The following RFTN1 variants were observed in gnomAD, a reference collection of about 807,000 sequenced individuals.
The protein encoded by RFTN1 is raftlin, lipid raft linker 1, also known as raftlin.
Under a neutral mutation model 46.5 loss-of-function variants are expected in RFTN1, and 26 were observed. The ratio of observed to expected loss-of-function variants is 0.56; its 90% CI spans 0.41 to 0.78. RFTN1 has a LOEUF of 0.78. RFTN1 is among the 30% of genes least tolerant of loss of function. The probability of loss-of-function intolerance (pLI) is 0.00; values close to 1 mark genes in which losing one functional copy is unlikely to be tolerated. For synonymous variants in RFTN1, 261 were observed against 284.2 expected (o/e 0.92, Z 0.82); for missense variants, 693 against 718.7 (o/e 0.96, Z 0.41).
intron 4 of RFTN1, among the ~76,000 whole-genome samples, chr3:16,406,984 C>T (rs893362429): frequency 6.6e-6 from 1 of 152,182 alleles, no homozygotes. Flanking sequence ...TAATGTCCTT[C>T]AGGGCATAAA....
intron 3 of RFTN1, among the ~76,000 whole-genome samples, chr3:16,419,284 A>C (rs879185314): frequency 5.3e-5 from 8 of 152,138 alleles, no homozygotes; most frequent in Non-Finnish European, 1.0e-4. Context: ...GTGGGAAACA[A>C]AGTTACTGAG....
intron 2 of RFTN1, among the ~76,000 whole-genome samples, chr3:16,482,016 C>T (rs1205875726): frequency 6.6e-6 from 1 of 152,134 alleles, no homozygotes; most frequent in East Asian, 1.9e-4. Flanking sequence ...CTGGGAACAA[C>T]AGAAGCCAGC....
rs1164939130 is a variant in RFTN1, at chr3:16,509,885, A to G, written c.-9+3557T>C. ...CCCAAACACAGTGCAATGTCTCAAG[A>G]CTGAGCTGTCTGCCATCTGACTCCT... On this transcript the variant is annotated intron_variant, in intron 1 of 9. Coordinates refer to ENST00000334133, the MANE Select transcript of RFTN1 (RefSeq NM_015150.2). The surrounding 1 kb of genome is among the most constrained non-coding windows in gnomAD (Gnocchi z 4.9). 6.6e-6 allele frequency among the ~76,000 whole-genome samples: 1 copy of G among 152,120 alleles called. No homozygotes were observed. The highest frequency in any genetic ancestry group is 1.9e-4 in the East Asian group (1 of 5,194).
Position 16,387,474 on chromosome 3 carries a change from G to A in RFTN1, c.442-9372C>T, listed in dbSNP as rs78296337. 5.9e-3 allele frequency among the ~76,000 whole-genome samples: 892 copies of A among 151,982 alleles called. 23 individuals are homozygous for A. The highest frequency in any genetic ancestry group is 0.041 in the Admixed American group (625 of 15,268). On this transcript the variant is annotated intron_variant, in intron 4 of 9. Coordinates refer to ENST00000334133, the MANE Select transcript of RFTN1 (RefSeq NM_015150.2). The surrounding 1 kb of genome is among the most constrained non-coding windows in gnomAD (Gnocchi z 5.2). ...TTTGTCCCCAGCATCGGTGTGACCC[G>A]GTTAAGGCAAAACCCAGGCCATAGA...
At chr3:16,472,967 C>T (rs2076222845) in intron 2 of RFTN1, among the ~76,000 whole-genome samples, 1 of 152,208 alleles carries the variant, frequency 6.6e-6, no homozygotes, top group Non-Finnish European at 1.5e-5. Flanking sequence ...TCAGTTTCCT[C>T]ATCTGCACAG....
In RFTN1 at chr3:16,421,486, G is replaced by A. The variant is rs1036459688; in HGVS notation, c.333-12003C>T. On this transcript the variant is annotated intron_variant, in intron 3 of 9. Coordinates refer to ENST00000334133, the MANE Select transcript of RFTN1 (RefSeq NM_015150.2). The surrounding 1 kb of genome is among the most constrained non-coding windows in gnomAD (Gnocchi z 4.6). ...CCTGCCTCAGCCCCCGGAGTAGCTGGGACTACAGGTGCATGCCACCATGCC... is the reference window on the plus strand; with the variant it reads ...CCTGCCTCAGCCCCCGGAGTAGCTGAGACTACAGGTGCATGCCACCATGCC... Among the ~76,000 whole-genome samples, 3 of 152,048 alleles carry A rather than the reference G, an allele frequency of 2.0e-5. No individual in the cohort carries two copies. The highest frequency in any genetic ancestry group is 2.9e-5 in the Non-Finnish European group (2 of 68,016).
Position 16,475,756 on chromosome 3 carries a change from A to G in RFTN1, c.145+17969T>C, listed in dbSNP as rs1309588265. On this transcript the variant is annotated intron_variant, in intron 2 of 9. Coordinates refer to ENST00000334133, the MANE Select transcript of RFTN1 (RefSeq NM_015150.2). This position sits in a 1 kb window ranked among gnomAD's most constrained non-coding sequence, Gnocchi z 4.2. Reference sequence around the variant, plus strand: ...CGGGTAATAAATAAACCTCTGCCACAGAAGGTGCTGGCTGAGGGCAAAAGC... The same window carrying G: ...CGGGTAATAAATAAACCTCTGCCACGGAAGGTGCTGGCTGAGGGCAAAAGC... Among the ~76,000 whole-genome samples, 2 of 152,264 alleles carry G rather than the reference A, an allele frequency of 1.3e-5. No individual in the cohort carries two copies. The highest frequency in any genetic ancestry group is 4.8e-5 in the African/African-American group (2 of 41,470).
chr3:16,354,484 A>G (rs368812163), intron 7 of RFTN1, among the ~76,000 whole-genome samples: 4 of 152,214 alleles, frequency 2.6e-5, no homozygotes, highest in East Asian at 1.9e-4. Context: ...AGGATGCCCA[A>G]GTCACCTCCT....
intron 7 of RFTN1, among the ~76,000 whole-genome samples, chr3:16,332,383 G>C (rs2070407172): frequency 6.7e-6 from 1 of 149,968 alleles, no homozygotes; most frequent in African/African-American, 2.5e-5. Context: ...CTATTTTTAA[G>C]ATTCAAAAGC....
At chr3:16,389,373 T>G (rs2074292672) in intron 4 of RFTN1, among the ~76,000 whole-genome samples, 1 of 152,228 alleles carries the variant, frequency 6.6e-6, no homozygotes, top group South Asian at 2.1e-4. Context: ...ATTGTTCTTT[T>G]GTAAATACCC....
In RFTN1 at chr3:16,449,217, C is replaced by T. The variant is rs2075783590; in HGVS notation, c.146-15180G>A. On this transcript the variant is annotated intron_variant, in intron 2 of 9. Coordinates refer to ENST00000334133, the MANE Select transcript of RFTN1 (RefSeq NM_015150.2). This position sits in a 1 kb window ranked among gnomAD's most constrained non-coding sequence, Gnocchi z 5.1. ...ATCTTAGTTCTAAATTATGCAGATC[C>T]TATTAGGCAAATAAAGAACAGAAAT... Among the ~76,000 whole-genome samples, 1 of 152,114 alleles carries T rather than the reference C, an allele frequency of 6.6e-6. No homozygotes were observed. The highest frequency in any genetic ancestry group is 2.4e-5 in the African/African-American group (1 of 41,416).
chr3:16,366,254 G>A (rs55710646), intron 6 of RFTN1, among the ~76,000 whole-genome samples: 1,524 of 150,750 alleles, frequency 0.01, 16 homozygotes, highest in African/African-American at 0.036. Context: ...CAGCCTCCTC[G>A]CTGGGTCTTC....
At chr3:16,340,746 C>A (rs2071263694) in intron 7 of RFTN1, among the ~76,000 whole-genome samples, 1 of 152,190 alleles carries the variant, frequency 6.6e-6, no homozygotes, top group African/African-American at 2.4e-5. Flanking sequence ...CCCTCACCTT[C>A]TTGTCCAAAC....
At chr3:16,420,345 A>G (rs928320875) in intron 3 of RFTN1, among the ~76,000 whole-genome samples, 1 of 152,248 alleles carries the variant, frequency 6.6e-6, no homozygotes, top group African/African-American at 2.4e-5. Flanking sequence ...GTAGCGATGC[A>G]TAATTAATAA....
chr3:16,382,805 T>A lies in RFTN1; in HGVS notation c.442-4703A>T, dbSNP rs2074037974. Among the ~76,000 whole-genome samples, 2 of 152,200 alleles carry A rather than the reference T, an allele frequency of 1.3e-5. No individual in the cohort carries two copies. The highest frequency in any genetic ancestry group is 6.5e-5 in the Admixed American group (1 of 15,282). On this transcript the variant is annotated intron_variant, in intron 4 of 9. Coordinates refer to ENST00000334133, the MANE Select transcript of RFTN1 (RefSeq NM_015150.2). This position sits in a 1 kb window ranked among gnomAD's most constrained non-coding sequence, Gnocchi z 4.7. The stretch of plus-strand genomic sequence containing the variant: ...CCATAAAGTGACCATCCAAGCTCAC[T>A]TTATTTCAAGCCCTCATCATCTGTT...
chr3:16,436,438 A>T (rs990617402), intron 2 of RFTN1, among the ~76,000 whole-genome samples: 1 of 151,632 alleles, frequency 6.6e-6, no homozygotes, highest in Admixed American at 6.6e-5. Context: ...CTCACTGCAA[A>T]CTCTACCTCC....
chr3:16,382,565 G>C lies in RFTN1; in HGVS notation c.442-4463C>G, dbSNP rs2074029014. Reference sequence around the variant, plus strand: ...CTCACATGGGTTTAGCTACAAATCAGATGTTCATTATTCCTAAGTGTGAAC... The same window carrying C: ...CTCACATGGGTTTAGCTACAAATCACATGTTCATTATTCCTAAGTGTGAAC... On this transcript the variant is annotated intron_variant, in intron 4 of 9. Transcript: ENST00000334133. The surrounding 1 kb of genome is among the most constrained non-coding windows in gnomAD (Gnocchi z 4.7). Among the ~76,000 whole-genome samples the C allele has an allele frequency of 6.6e-6, 1 of 152,106 alleles. No homozygotes were observed. The highest frequency in any genetic ancestry group is 2.4e-5 in the African/African-American group (1 of 41,414).
rs2069175982 is a variant in RFTN1 at position 16,322,457 on chromosome 3, G to C, written c.1332+919C>G. Reference sequence around the variant, plus strand: ...GAGGAATGCAGGAGTGATGCCAGGAGTGAGGAGCCGAGCAGGTCAGGCAGG... The same window carrying C: ...GAGGAATGCAGGAGTGATGCCAGGACTGAGGAGCCGAGCAGGTCAGGCAGG... On this transcript the variant is annotated intron_variant, in intron 9 of 9. Transcript: ENST00000334133. The surrounding 1 kb of genome is among the most constrained non-coding windows in gnomAD (Gnocchi z 6.2). Among the ~76,000 whole-genome samples, 1 of 152,228 alleles carries C rather than the reference G, an allele frequency of 6.6e-6. No individual in the cohort carries two copies. The highest frequency in any genetic ancestry group is 1.5e-5 in the Non-Finnish European group (1 of 68,050).
intron 4 of RFTN1, among the ~76,000 whole-genome samples, chr3:16,396,392 C>A (rs1446560704): frequency 6.6e-6 from 1 of 152,164 alleles, no homozygotes; most frequent in Non-Finnish European, 1.5e-5. Context: ...AGAAAGTGGT[C>A]AGATTACCCG....
Sources: allele counts gnomAD v4.1 joint callset (sites outside exome capture counted in the v4.1 genomes callset), GRCh38; gene constraint gnomAD v4.1.1; non-coding constraint Gnocchi (gnomAD v3.1); transcripts MANE v1.5; gene names NCBI Gene and HGNC (gene_info 2026-07-23, HGNC 2026-07-21).